MACROD2: variants seen among roughly 807,000 people sequenced by gnomAD.
MACROD2 encodes ADP-ribose glycohydrolase MACROD2.
Under a neutral mutation model 70.4 loss-of-function variants are expected in MACROD2, and 36 were observed. The observed-to-expected ratio is 0.51, with a 90% confidence interval of 0.39 to 0.68. MACROD2 has a LOEUF of 0.68. MACROD2 is among the 30% of genes least tolerant of loss of function. The probability of loss-of-function intolerance (pLI) is 0.00; values close to 1 mark genes in which losing one functional copy is unlikely to be tolerated. For missense variants in MACROD2, 496 were observed against 538.4 expected (o/e 0.92, Z 0.78); for synonymous variants, 172 against 178.8 (o/e 0.96, Z 0.30).
At chr20:14,752,351 A>C (rs1046746551) in intron 5 of MACROD2, among the ~76,000 whole-genome samples, 1 of 151,746 alleles carries the variant, frequency 6.6e-6, no homozygotes, top group Non-Finnish European at 1.5e-5. Flanking sequence ...AGCTCAGTGA[A>C]TCCTACTACA....
intron 3 of MACROD2, among the ~76,000 whole-genome samples, chr20:14,316,855 C>T (rs1161640894): frequency 6.6e-6 from 1 of 152,166 alleles, no homozygotes; most frequent in Non-Finnish European, 1.5e-5. Context: ...CTAGAGTGAC[C>T]TTATTACAAT....
In MACROD2 at chr20:16,035,879, C is replaced by T. The variant is rs114423535; in HGVS notation, c.1154-5322C>T. Among the ~76,000 whole-genome samples, 837 of 152,076 alleles carry T rather than the reference C, an allele frequency of 5.5e-3. 4 individuals are homozygous for T. Among genetic ancestry groups the T allele is most frequent in the African/African-American group, 0.019 (789 of 41,544 alleles). On this transcript the variant is annotated intron_variant, in intron 15 of 17. Coordinates refer to ENST00000684519, the MANE Select transcript of MACROD2 (RefSeq NM_001351661.2). ...AAAGGTAGGAGAAGGAAAGCCCCAA[C>T]TGTCAAATGCATTTCAAGTCTCTCC...
At position 14,100,754 on chromosome 20, in the gene MACROD2, T is replaced by A. The variant is rs570786074; in HGVS notation, c.271+15026T>A. ...ATATATATAAATATAATATATAATA[T>A]ATAAAAATATAATCTATAATATATA... is the stretch of plus-strand genomic sequence containing the variant. On this transcript the variant is annotated intron_variant, in intron 3 of 17. Transcript: ENST00000684519. Among the ~76,000 whole-genome samples the A allele has an allele frequency of 2.5e-3, 346 of 139,158 alleles. 3 individuals are homozygous for A. Among genetic ancestry groups the A allele is most frequent in the African/African-American group, 8.9e-3 (336 of 37,886 alleles). 91.3% of individuals were successfully genotyped at this position (139,158 alleles called of 152,430 possible).
intron 5 of MACROD2, among the ~76,000 whole-genome samples, chr20:15,104,411 G>A (rs2075896123): frequency 6.6e-6 from 1 of 152,136 alleles, no homozygotes; most frequent in African/African-American, 2.4e-5. Context: ...CCGTGAGGTA[G>A]AAAGTGCTTT....
intron 3 of MACROD2, among the ~76,000 whole-genome samples, chr20:14,461,854 A>G (rs193248719): frequency 3.3e-5 from 5 of 152,092 alleles, no homozygotes; most frequent in Admixed American, 6.6e-5. Context: ...TCCATGGTGT[A>G]TATGTGTCAC....
intron 8 of MACROD2, among the ~76,000 whole-genome samples, chr20:15,705,389 T>C (rs2050518117): frequency 6.6e-6 from 1 of 152,156 alleles, no homozygotes; most frequent in Admixed American, 6.6e-5. Flanking sequence ...TATTTTAAGA[T>C]AGAATAATTA....
At chr20:14,907,874 T>C (rs1335030599) in intron 5 of MACROD2, among the ~76,000 whole-genome samples, 2 of 152,156 alleles carry the variant, frequency 1.3e-5, no homozygotes, top group East Asian at 3.9e-4. Context: ...TGGGGACACT[T>C]CCCCTTTTAG....
At chr20:14,141,713 C>A (rs1328465263) in intron 3 of MACROD2, among the ~76,000 whole-genome samples, 1 of 126,994 alleles carries the variant, frequency 7.9e-6, no homozygotes, top group Non-Finnish European at 1.6e-5. Flanking sequence ...CCATTGCACT[C>A]CAGCCTGGGC....
rs556006297 is a variant in MACROD2 at position 14,760,006 on chromosome 20, A to G, written c.418+75047A>G. 2.0e-4 allele frequency among the ~76,000 whole-genome samples: 30 copies of G among 152,120 alleles called. 2 individuals carry two copies. The highest frequency in any genetic ancestry group is 2.5e-4 in the Non-Finnish European group (17 of 68,026). On this transcript the variant is annotated intron_variant, in intron 5 of 17. Coordinates refer to ENST00000684519, the MANE Select transcript of MACROD2 (RefSeq NM_001351661.2). ...GAGATAAACAGATGGGAGCTGGAGC[A>G]GAGGCATCTGAGTAAGGGAAGTGCT...
intron 5 of MACROD2, among the ~76,000 whole-genome samples, chr20:14,846,525 A>ATT (rs11429861): frequency 1.1e-4 from 16 of 149,036 alleles, no homozygotes; most frequent in African/African-American, 2.0e-4. Context: ...TCACCTTTTA[A>ATT]TTTTTTTTTT....
At chr20:14,748,976 C>T (rs6042899) in intron 5 of MACROD2, among the ~76,000 whole-genome samples, 1,660 of 152,148 alleles carry the variant, frequency 0.011, 33 homozygotes, top group African/African-American at 0.038. Flanking sequence ...CCACCCAAGT[C>T]ATTAATTTAT....
intron 5 of MACROD2, among the ~76,000 whole-genome samples, chr20:14,870,577 C>T (rs1296219742): frequency 6.6e-6 from 1 of 152,004 alleles, no homozygotes. Context: ...ACAAGTCTTC[C>T]TTTTTCTCCT....
intron 7 of MACROD2, among the ~76,000 whole-genome samples, chr20:15,484,310 G>A (rs1479170358): frequency 6.6e-6 from 1 of 152,138 alleles, no homozygotes; most frequent in Non-Finnish European, 1.5e-5. Flanking sequence ...TAGTCATGTG[G>A]TGGTTAGATG....
At chr20:15,714,302 TC>T in intron 8 of MACROD2, among the ~76,000 whole-genome samples, 1 of 152,290 alleles carries the variant, frequency 6.6e-6, no homozygotes, top group East Asian at 1.9e-4. Flanking sequence ...GATTCTTTGC[TC>T]CACTAAGAAG....
intron 8 of MACROD2, among the ~76,000 whole-genome samples, chr20:15,634,058 G>T (rs182101418): frequency 2.0e-4 from 31 of 152,162 alleles, no homozygotes; most frequent in African/African-American, 7.2e-4. Flanking sequence ...TTTCCTCTCT[G>T]GTTGCCTATC....
chr20:14,340,195 A>T (rs925976590), intron 3 of MACROD2, among the ~76,000 whole-genome samples: 1 of 152,210 alleles, frequency 6.6e-6, no homozygotes, highest in South Asian at 2.1e-4. Context: ...GTGGATTCTC[A>T]TATCAGGAAG....
At chr20:15,774,064 TG>T (rs2051680716) in intron 8 of MACROD2, among the ~76,000 whole-genome samples, 1 of 152,174 alleles carries the variant, frequency 6.6e-6, no homozygotes, top group Non-Finnish European at 1.5e-5. Context: ...TCTCTCTTCC[TG>T]TGTTTCTTTA....
chr20:15,482,854 T>A (rs1246902706), intron 7 of MACROD2, among the ~76,000 whole-genome samples: 1 of 152,222 alleles, frequency 6.6e-6, no homozygotes, highest in African/African-American at 2.4e-5. Context: ...CTATTTGCCA[T>A]CTGTGTATCT....
intron 5 of MACROD2, among the ~76,000 whole-genome samples, chr20:14,988,088 G>T (rs1168332348): frequency 6.6e-6 from 1 of 152,020 alleles, no homozygotes; most frequent in Non-Finnish European, 1.5e-5. Flanking sequence ...TACAGGTCAG[G>T]CACGGTGGCT....
Sources: allele counts gnomAD v4.1 joint callset (sites outside exome capture counted in the v4.1 genomes callset), GRCh38; gene constraint gnomAD v4.1.1; transcripts MANE v1.5; gene names NCBI Gene and HGNC (gene_info 2026-07-23, HGNC 2026-07-21).